Variants in CAGE1 observed in about 807,000 individuals in gnomAD.
CAGE1 encodes cancer-associated gene 1 protein.
Under a neutral mutation model 94.9 loss-of-function variants are expected in CAGE1, and 66 were observed. The observed-to-expected ratio is 0.70, with a 90% CI of 0.57 to 0.85. The LOEUF (loss-of-function observed/expected upper bound fraction) is 0.85, where lower values mean the gene tolerates loss of function less well. Among genes scored for constraint, CAGE1 ranks in the 40% least tolerant of loss-of-function variants. The probability of loss-of-function intolerance (pLI) is 0.00; values close to 1 mark genes in which losing one functional copy is unlikely to be tolerated. For synonymous variants in CAGE1, 319 were observed against 321.0 expected (o/e 0.99, Z 0.07); for missense variants, 865 against 950.4 (o/e 0.91, Z 1.18).
chr6:7,369,139 A>G (rs1581689466), intron 6 of CAGE1, among the ~76,000 whole-genome samples: 1 of 151,438 alleles, frequency 6.6e-6, no homozygotes, highest in South Asian at 2.1e-4. Flanking sequence ...TCCCAAGTAG[A>G]TGGGATTATA....
At position 7,371,149 on chromosome 6, in the gene CAGE1, C is replaced by A. The variant is rs574026082; in HGVS notation, c.1747-1084G>T. Among the ~76,000 whole-genome samples the A allele has an allele frequency of 1.2e-3, 182 of 152,224 alleles. 1 individual carries two copies. Among genetic ancestry groups the A allele is most frequent in the African/African-American group, 4.1e-3 (169 of 41,522 alleles). ...CAAAGTGTGGTCCCAGGAGCAGCAG[C>A]ATCAACAACTGGGATCTTGCTAGAA... On this transcript the variant is annotated intron_variant, in intron 5 of 13. Transcript: ENST00000502583.
intron 3 of CAGE1, 82 bp from the exon 4 acceptor site, chr6:7,379,102 T>G: frequency 1.2e-6 from 1 of 814,752 alleles, no homozygotes; most frequent in Non-Finnish European, 1.8e-6. Context: ...ATTTATCAAA[T>G]AAACTGCTGT....
intron 11 of CAGE1, among the ~76,000 whole-genome samples, chr6:7,344,745 A>T (rs1759362487): frequency 6.6e-6 from 1 of 152,246 alleles, no homozygotes; most frequent in Admixed American, 6.5e-5. Context: ...ACCAATCAGC[A>T]CTCTGTATCT....
rs1760647658 is a variant in CAGE1, at chr6:7,374,007, G to A, written c.812C>T (p.Ala271Val). The change falls in exon 5 of 14, where the codon GCA becomes GTA. Residue 271 changes from alanine (A) to valine (V), a missense_variant. Physicochemically the swap from Ala to Val is moderately conservative, Grantham distance 64. Transcript: ENST00000502583. ...RPEIVSTWSS[A>V]GISWRSEACR... ...TGCTTCACTCCTCCAGGAAATGCCT[G>A]CCGAAGACCAAGTTGAGACAATTTC... is the stretch of plus-strand genomic sequence containing the variant. The A allele has an allele frequency of 1.2e-6, 2 of 1,614,020 alleles. No homozygotes were observed. The highest frequency in any genetic ancestry group is 4.5e-5 in the East Asian group (2 of 44,892).
chr6:7,371,700 T>C (rs2113448576), intron 5 of CAGE1, among the ~76,000 whole-genome samples: 1 of 151,706 alleles, frequency 6.6e-6, no homozygotes, highest in South Asian at 2.1e-4. Context: ...GGCAGGAGAA[T>C]TGCTTGAACC....
chr6:7,371,781 T>C (rs529220735), intron 5 of CAGE1, among the ~76,000 whole-genome samples: 1 of 152,304 alleles, frequency 6.6e-6, no homozygotes, highest in South Asian at 2.1e-4. Context: ...AGCGAGACTC[T>C]GTCTTAATAG....
chr6:7,355,102 A>T lies in CAGE1; in HGVS notation c.2308T>A (p.Tyr770Asn). ...TCAGCACATTCAATGATTTCTTCATATGATGTAACCTTGAAAAAAATAAGC... is the reference window on the plus strand; with the variant it reads ...TCAGCACATTCAATGATTTCTTCATTTGATGTAACCTTGAAAAAAATAAGC... ...LGNLIKKVTSYEEIIECADQR... is the reference protein window; with the variant it reads ...LGNLIKKVTSNEEIIECADQR... Residue 770 changes from tyrosine to asparagine, a missense_variant, in exon 11 of 14, where the codon TAT becomes AAT. Coordinates refer to ENST00000502583, the MANE Select transcript of CAGE1 (RefSeq NM_001170692.2). 4 of 1,605,208 alleles carry T rather than the reference A, an allele frequency of 2.5e-6. No individual in the cohort carries two copies. The highest frequency in any genetic ancestry group is 3.4e-6 in the Non-Finnish European group (4 of 1,174,628).
rs142314206 is a variant in CAGE1 at position 7,345,420 on chromosome 6, T to C, written c.2369+9621A>G. 3.8e-3 allele frequency among the ~76,000 whole-genome samples: 586 copies of C among 152,292 alleles called. 1 individual carries two copies. Among genetic ancestry groups the C allele is most frequent in the African/African-American group, 0.012 (519 of 41,566 alleles). On this transcript the variant is annotated intron_variant, in intron 11 of 13. Coordinates refer to ENST00000502583, the MANE Select transcript of CAGE1 (RefSeq NM_001170692.2). ...CCATCTTAAGAGCTGTAACCCTCAC[T>C]GCAGGGGTCTGTGGTTTCATTCTTG...
At chr6:7,345,808 C>T (rs942700528) in intron 11 of CAGE1, among the ~76,000 whole-genome samples, 1 of 151,974 alleles carries the variant, frequency 6.6e-6, no homozygotes, top group Non-Finnish European at 1.5e-5. Flanking sequence ...CCCCATAGTC[C>T]CAGCTACTTG....
rs541588754 is a variant in CAGE1, at chr6:7,378,656, A to T, written c.648T>A (p.Ser216=). 9 of 1,608,914 alleles carry T rather than the reference A, an allele frequency of 5.6e-6. No individual in the cohort carries two copies. In the South Asian group the frequency reaches 1.0e-4, roughly 18 times the overall value. ...TTGGAGGTTGGCTAGGGTTGAGGGCAGATTCCTTGGCAATACTTTTAGCCA... is the reference window on the plus strand; with the variant it reads ...TTGGAGGTTGGCTAGGGTTGAGGGCTGATTCCTTGGCAATACTTTTAGCCA... The part of the protein sequence containing the change: ...KSLAKSIAKE[S]ALNPSQPPSF... Residue 216 remains serine, a synonymous_variant, in exon 4 of 14, where the codon TCT becomes TCA. Transcript: ENST00000502583.
At chr6:7,331,402 TG>T in intron 12 of CAGE1, 1 of 783,550 alleles carries the variant, frequency 1.3e-6, no homozygotes, top group South Asian at 2.1e-5. Flanking sequence ...GCAGGGTTTC[TG>T]GCATAACCAA....
At chr6:7,368,328 G>T (rs1760422681) in intron 7 of CAGE1, among the ~76,000 whole-genome samples, 1 of 150,750 alleles carries the variant, frequency 6.6e-6, no homozygotes, top group Non-Finnish European at 1.5e-5. Context: ...TCACCCTTCA[G>T]CCACCTGAGA....
At chr6:7,356,166 C>G (rs752051062) in intron 9 of CAGE1, 37 bp from the exon 10 acceptor site, 7 of 1,149,566 alleles carry the variant, frequency 6.1e-6, no homozygotes, top group South Asian at 1.3e-5. Context: ...TAATCTGGAA[C>G]CTGCCAGGAA....
chr6:7,367,728 C>T (rs559875327), intron 7 of CAGE1, among the ~76,000 whole-genome samples: 28 of 152,136 alleles, frequency 1.8e-4, no homozygotes, highest in Non-Finnish European at 2.6e-4. Context: ...TCAGGATACC[C>T]GCAACACGTC....
intron 4 of CAGE1, 63 bp from the exon 5 acceptor site, chr6:7,374,194 A>G (rs1760655935): frequency 1.5e-6 from 2 of 1,370,578 alleles, no homozygotes; most frequent in African/African-American, 1.4e-5. Flanking sequence ...TTTCAAGTCA[A>G]ATAGGGCTGG....
chr6:7,383,712 A>T (rs1174326088), intron 3 of CAGE1, among the ~76,000 whole-genome samples: 1 of 152,188 alleles, frequency 6.6e-6, no homozygotes, highest in Non-Finnish European at 1.5e-5. Flanking sequence ...GGATTAAGGT[A>T]GGATACATGA....
intron 6 of CAGE1, among the ~76,000 whole-genome samples, chr6:7,369,100 C>T (rs897109929): frequency 6.6e-6 from 1 of 151,738 alleles, no homozygotes; most frequent in Non-Finnish European, 1.5e-5. Flanking sequence ...CCTCTCCCCC[C>T]AGGTTCAAGC....
rs149587588 is a variant in CAGE1 at position 7,377,023 on chromosome 6, T to C, written c.687+1594A>G. Among the ~76,000 whole-genome samples, 602 of 152,368 alleles carry C rather than the reference T, an allele frequency of 4.0e-3. 6 individuals are homozygous for C. The highest frequency in any genetic ancestry group is 5.4e-3 in the Non-Finnish European group (365 of 68,042). ...TAAATAGTAACTTTATATAACATGC[T>C]CTACATATACTTTATATGTAACTTT... On this transcript the variant is annotated intron_variant, in intron 4 of 13. Transcript: ENST00000502583.
chr6:7,334,116 AT>A, intron 11 of CAGE1, 26 bp from the exon 12 acceptor site: 1 of 1,411,444 alleles, frequency 7.1e-7, no homozygotes, highest in Non-Finnish European at 9.7e-7. Flanking sequence ...ATTGAATTTT[AT>A]GACTAAAATG....
Sources: allele counts gnomAD v4.1 joint callset (sites outside exome capture counted in the v4.1 genomes callset), GRCh38; gene constraint gnomAD v4.1.1; transcripts MANE v1.5; gene names NCBI Gene and HGNC (gene_info 2026-07-23, HGNC 2026-07-21).